Variants in IL1RAPL2 observed in about 807,000 individuals in gnomAD.
The protein encoded by IL1RAPL2 is interleukin 1 receptor accessory protein like 2, also known as X-linked interleukin-1 receptor accessory protein-like 2.
Under a neutral mutation model 44.1 loss-of-function variants are expected in IL1RAPL2, and 3 were observed. The observed-to-expected ratio is 0.07, with a 90% CI of 0.03 to 0.18. The LOEUF (loss-of-function observed/expected upper bound fraction) is 0.18. IL1RAPL2 is among the 10% of genes least tolerant of loss of function. The pLI, the probability that IL1RAPL2 is intolerant of heterozygous loss-of-function variation, is 1.00. For synonymous variants in IL1RAPL2, 181 were observed against 178.8 expected, an observed-to-expected ratio of 1.01 and a Z score of -0.10; for missense variants, 391 against 496.4, an observed-to-expected ratio of 0.79 and a Z score of 2.02.
intron 2 of IL1RAPL2, among the ~76,000 whole-genome samples, chrX:105,181,401 G>A (rs1409819281): frequency 9.0e-6 from 1 of 111,534 alleles, no homozygotes; most frequent in African/African-American, 3.3e-5. Context: ...TCCTTGAGGT[G>A]TATTGTTAGG....
intron 6 of IL1RAPL2, among the ~76,000 whole-genome samples, chrX:105,566,230 A>T (rs2036974296): frequency 9.0e-6 from 1 of 111,556 alleles, no homozygotes; most frequent in African/African-American, 3.3e-5. Context: ...GAGAGAAAAA[A>T]AGAAAGAGAG....
chrX:104,963,707 T>C (rs1255866232), intron 2 of IL1RAPL2, among the ~76,000 whole-genome samples: 1 of 111,182 alleles, frequency 9.0e-6, no homozygotes, highest in African/African-American at 3.3e-5. Context: ...ATAAACAAAG[T>C]GCCTCATTTT....
chrX:105,075,663 A>T (rs1407615119), intron 2 of IL1RAPL2, among the ~76,000 whole-genome samples: 1 of 111,782 alleles, frequency 8.9e-6, no homozygotes, highest in Admixed American at 9.5e-5. Context: ...CTGTGAATCC[A>T]TCTGGTCCTG....
rs773101979 is a variant in IL1RAPL2 at position 105,337,280 on chromosome X, G to A, written c.697+69739G>A. Among the ~76,000 whole-genome samples the A allele has an allele frequency of 2.7e-5, 3 of 111,747 alleles. No homozygotes were observed. The South Asian group carries it at 1.1e-3, about 41-fold the overall frequency. On this transcript the variant is annotated intron_variant, in intron 5 of 10. Transcript: ENST00000372582. ...TAAAATGATTTAGTAACAACCCAAG[G>A]CAGACTATAAGAAGAATGTAAAAGA...
intron 2 of IL1RAPL2, among the ~76,000 whole-genome samples, chrX:104,819,945 T>G (rs1474862632): frequency 9.0e-6 from 1 of 111,655 alleles, no homozygotes; most frequent in Non-Finnish European, 1.9e-5. Flanking sequence ...TGAGGGTTTT[T>G]TTTTAATCCT....
chrX:105,277,440 G>A (rs1398497106), intron 5 of IL1RAPL2, among the ~76,000 whole-genome samples: 1 of 110,420 alleles, frequency 9.1e-6, no homozygotes, highest in Non-Finnish European at 1.9e-5. Context: ...GGATGACCCT[G>A]GCCTTTCCTA....
At chrX:105,366,267 TGTTA>T (rs918314109) in intron 5 of IL1RAPL2, among the ~76,000 whole-genome samples, 27 of 111,315 alleles carry the variant, frequency 2.4e-4, no homozygotes, top group African/African-American at 8.5e-4. Flanking sequence ...CTTTTTTCTT[TGTTA>T]GTCTAGCTAA....
chrX:105,217,352 C>T lies in IL1RAPL2; in HGVS notation c.357-16466C>T, dbSNP rs1402807333. Among the ~76,000 whole-genome samples the T allele has an allele frequency of 4.5e-5, 5 of 112,017 alleles. No individual in the cohort carries two copies. The Admixed American group carries it at 4.7e-4, about 11-fold the overall frequency. Reference sequence around the variant, plus strand: ...TATGCAGCCAACACATGAAAAAATGCTCATCATCACTGGCCATCAGGGAAA... The same window carrying T: ...TATGCAGCCAACACATGAAAAAATGTTCATCATCACTGGCCATCAGGGAAA... On this transcript the variant is annotated intron_variant, in intron 3 of 10. Transcript: ENST00000372582.
intron 6 of IL1RAPL2, among the ~76,000 whole-genome samples, chrX:105,694,303 G>A (rs144467003): frequency 1.8e-5 from 2 of 111,887 alleles, no homozygotes; most frequent in Admixed American, 9.5e-5. Context: ...TTAGAGTAAC[G>A]CAGGTAAGAC....
intron 6 of IL1RAPL2, among the ~76,000 whole-genome samples, chrX:105,659,383 C>T (rs759081698): frequency 9.9e-5 from 11 of 111,120 alleles, no homozygotes; most frequent in African/African-American, 3.3e-4. Flanking sequence ...TAGGGACGGG[C>T]GCGGTGGCTC....
intron 2 of IL1RAPL2, among the ~76,000 whole-genome samples, chrX:105,065,321 A>G (rs895528218): frequency 9.0e-6 from 1 of 111,704 alleles, no homozygotes; most frequent in Admixed American, 9.6e-5. Context: ...CTGTGGTTAC[A>G]AAAACGTCTC....
At chrX:104,723,228 GA>G (rs1170224280) in intron 2 of IL1RAPL2, among the ~76,000 whole-genome samples, 1 of 111,588 alleles carries the variant, frequency 9.0e-6, no homozygotes, top group Non-Finnish European at 1.9e-5. Flanking sequence ...TGGAGCATAA[GA>G]ACAAAGTTGA....
At chrX:105,753,189 A>G (rs1193734114) in intron 9 of IL1RAPL2, among the ~76,000 whole-genome samples, 3 of 111,577 alleles carry the variant, frequency 2.7e-5, no homozygotes, top group African/African-American at 9.8e-5. Flanking sequence ...ACAAATAACC[A>G]TAGTACAAGC....
At chrX:104,622,680 T>C (rs1929422855) in intron 1 of IL1RAPL2, among the ~76,000 whole-genome samples, 2 of 110,993 alleles carry the variant, frequency 1.8e-5, no homozygotes, top group African/African-American at 3.3e-5. Flanking sequence ...GTGGCTGTGA[T>C]ATAGAGTGAG....
chrX:105,545,938 TC>T (rs1391241189), intron 6 of IL1RAPL2, among the ~76,000 whole-genome samples: 2 of 111,516 alleles, frequency 1.8e-5, no homozygotes, highest in Non-Finnish European at 3.8e-5. Context: ...GTTATGTTTA[TC>T]CCAACCATGA....
At chrX:105,098,071 G>A (rs941194039) in intron 2 of IL1RAPL2, among the ~76,000 whole-genome samples, 7 of 111,828 alleles carry the variant, frequency 6.3e-5, no homozygotes, top group Non-Finnish European at 1.1e-4. Context: ...CCTCATTCAA[G>A]AAAGATGTGT....
At chrX:104,758,864 T>A (rs1932382266) in intron 2 of IL1RAPL2, among the ~76,000 whole-genome samples, 1 of 111,872 alleles carries the variant, frequency 8.9e-6, no homozygotes, top group Non-Finnish European at 1.9e-5. Flanking sequence ...GTTGCACAAA[T>A]GAGCTATGTT....
intron 2 of IL1RAPL2, among the ~76,000 whole-genome samples, chrX:104,826,807 A>G (rs1332129480): frequency 9.0e-6 from 1 of 110,633 alleles, no homozygotes. Flanking sequence ...TACTGGGTGC[A>G]TATATATTTA....
intron 2 of IL1RAPL2, among the ~76,000 whole-genome samples, chrX:104,928,755 C>T (rs1274099423): frequency 1.8e-5 from 2 of 110,675 alleles, no homozygotes; most frequent in East Asian, 2.8e-4. Context: ...GATGTTACTT[C>T]GTAGAATAAG....
Sources: allele counts gnomAD v4.1 joint callset (sites outside exome capture counted in the v4.1 genomes callset), GRCh38; gene constraint gnomAD v4.1.1; transcripts MANE v1.5; gene names NCBI Gene and HGNC (gene_info 2026-07-23, HGNC 2026-07-21).